The following ARHGAP6 variants were observed in gnomAD, a reference collection of about 807,000 sequenced individuals.
The protein encoded by ARHGAP6 is Rho GTPase activating protein 6, also known as rho GTPase-activating protein 6.
ARHGAP6 carries 16 observed loss-of-function variants against 55.7 expected under a neutral mutation model. That is an observed-to-expected ratio of 0.29 (90% CI 0.19 to 0.44). The LOEUF (loss-of-function observed/expected upper bound fraction) is 0.44, where lower values mean the gene tolerates loss of function less well. Among genes scored for constraint, ARHGAP6 ranks in the 20% least tolerant of loss-of-function variants. The pLI is 1.00. For missense variants in ARHGAP6, 698 were observed against 808.9 expected (o/e 0.86, Z 1.66); for synonymous variants, 382 against 360.9 (o/e 1.06, Z -0.66).
At chrX:11,355,571 A>G (rs1308008413) in intron 1 of ARHGAP6, among the ~76,000 whole-genome samples, 2 of 112,528 alleles carry the variant, frequency 1.8e-5, no homozygotes, top group Non-Finnish European at 3.8e-5. Context: ...AGGAGACTAT[A>G]TCTAAAGAAA....
chrX:11,276,150 C>G (rs776968375), intron 1 of ARHGAP6, among the ~76,000 whole-genome samples: 2 of 111,512 alleles, frequency 1.8e-5, no homozygotes, highest in South Asian at 7.6e-4. Context: ...TAAATGTCAG[C>G]TATTTTTCCA....
At chrX:11,361,380 C>T (rs1369204908) in intron 1 of ARHGAP6, among the ~76,000 whole-genome samples, 1 of 110,637 alleles carries the variant, frequency 9.0e-6, no homozygotes, top group Non-Finnish European at 1.9e-5. Context: ...CTTTGACAAA[C>T]CTGAGAAAAA....
At chrX:11,190,662 GA>G (rs1306470359) in intron 3 of ARHGAP6, among the ~76,000 whole-genome samples, 5 of 110,298 alleles carry the variant, frequency 4.5e-5, no homozygotes, top group Admixed American at 3.9e-4. Flanking sequence ...TAATAAGAGT[GA>G]AAAGAACATT....
chrX:11,554,193 C>T (rs753347551), intron 1 of ARHGAP6, among the ~76,000 whole-genome samples: 2 of 111,454 alleles, frequency 1.8e-5, no homozygotes, highest in Non-Finnish European at 3.8e-5. Context: ...ATGCCACGCA[C>T]GGAAAGAGAA....
chrX:11,517,394 T>C (rs779343681), intron 1 of ARHGAP6, among the ~76,000 whole-genome samples: 1 of 111,620 alleles, frequency 9.0e-6, no homozygotes, highest in Non-Finnish European at 1.9e-5. Context: ...AGGGTGTGGA[T>C]GCGAGGGTAG....
intron 9 of ARHGAP6, among the ~76,000 whole-genome samples, chrX:11,166,047 C>CA (rs1259459561): frequency 8.9e-6 from 1 of 112,056 alleles, no homozygotes; most frequent in Non-Finnish European, 1.9e-5. Context: ...ACAACCAATG[C>CA]AAAAGACTGT....
intron 1 of ARHGAP6, among the ~76,000 whole-genome samples, chrX:11,497,552 T>TCCC (rs2050635220): frequency 1.1e-4 from 1 of 8,935 alleles, no homozygotes; most frequent in Admixed American, 1.5e-3. Flanking sequence ...CCCTTCCCCC[T>TCCC]CCCTCCTTCT....
intron 1 of ARHGAP6, among the ~76,000 whole-genome samples, chrX:11,656,848 C>A (rs758935497): frequency 8.9e-6 from 1 of 112,141 alleles, no homozygotes. Context: ...ACATGAACAT[C>A]TTTGGGGGAC....
intron 1 of ARHGAP6, among the ~76,000 whole-genome samples, chrX:11,585,751 C>A (rs2051726025): frequency 8.9e-6 from 1 of 111,900 alleles, no homozygotes; most frequent in Non-Finnish European, 1.9e-5. Context: ...AAAGAAATAC[C>A]TGAGACTGGG....
At chrX:11,170,782 G>C (rs2046079735) in intron 8 of ARHGAP6, among the ~76,000 whole-genome samples, 1 of 111,595 alleles carries the variant, frequency 9.0e-6, no homozygotes, top group African/African-American at 3.3e-5. Context: ...GGAACATGAA[G>C]GGCTGAAAAG....
intron 2 of ARHGAP6, among the ~76,000 whole-genome samples, chrX:11,251,100 C>T (rs1347828450): frequency 8.9e-6 from 1 of 111,834 alleles, no homozygotes; most frequent in Admixed American, 9.5e-5. Flanking sequence ...GACCTTTTGG[C>T]CTGTCCTGCA....
chrX:11,147,295 CAT>C (rs1408764417), intron 10 of ARHGAP6, among the ~76,000 whole-genome samples: 1 of 103,994 alleles, frequency 9.6e-6, no homozygotes, highest in African/African-American at 3.5e-5. Flanking sequence ...GACATGTACA[CAT>C]ATACACAGAC....
chrX:11,375,513 T>G (rs1261317474), intron 1 of ARHGAP6, among the ~76,000 whole-genome samples: 1 of 112,124 alleles, frequency 8.9e-6, no homozygotes. Flanking sequence ...ACCTCTATAT[T>G]TACGCATGTG....
intron 2 of ARHGAP6, among the ~76,000 whole-genome samples, chrX:11,243,490 T>A (rs12014698): frequency 0.018 from 2,032 of 112,479 alleles, 33 homozygotes; most frequent in East Asian, 0.053. Flanking sequence ...TAACTTGTAA[T>A]GAAGATTGAC....
At chrX:11,426,754 G>A (rs2049883821) in intron 1 of ARHGAP6, among the ~76,000 whole-genome samples, 1 of 108,940 alleles carries the variant, frequency 9.2e-6, no homozygotes, top group South Asian at 4.1e-4. Flanking sequence ...CTCTCTCAAA[G>A]AATATACTCA....
chrX:11,457,557 C>G (rs2050205165), intron 1 of ARHGAP6, among the ~76,000 whole-genome samples: 1 of 111,519 alleles, frequency 9.0e-6, no homozygotes, highest in Non-Finnish European at 1.9e-5. Flanking sequence ...GTGTGAGTGC[C>G]TCTGTTCACA....
At chrX:11,602,613 AT>A (rs2051990184) in intron 1 of ARHGAP6, among the ~76,000 whole-genome samples, 1 of 112,603 alleles carries the variant, frequency 8.9e-6, no homozygotes, top group Admixed American at 9.3e-5. Flanking sequence ...GAGAGGGATT[AT>A]TTTCCCTCTC....
intron 1 of ARHGAP6, among the ~76,000 whole-genome samples, chrX:11,442,064 T>TG (rs1431742766): frequency 8.9e-6 from 1 of 112,091 alleles, no homozygotes; most frequent in East Asian, 2.8e-4. Flanking sequence ...ATATAACTAT[T>TG]GGATTGAATA....
chrX:11,230,421 C>G (rs1444028966), intron 2 of ARHGAP6, among the ~76,000 whole-genome samples: 1 of 111,164 alleles, frequency 9.0e-6, no homozygotes, highest in African/African-American at 3.3e-5. Context: ...TGGTCTCAAT[C>G]TCTTGACCTC....
Sources: gnomAD v4.1 joint callset for allele counts (sites outside exome capture counted in the v4.1 genomes callset) on GRCh38, gnomAD v4.1.1 for gene constraint, MANE v1.5 for transcripts, NCBI Gene and HGNC (gene_info 2026-07-23, HGNC 2026-07-21) for gene names.